The following FER1L6 variants were observed in gnomAD, a reference collection of about 807,000 sequenced individuals.
The protein encoded by FER1L6 is fer-1 like family member 6.
In FER1L6, 177 loss-of-function variants were observed where a neutral mutation model predicts 219.2. That is an observed-to-expected ratio of 0.81 (90% confidence interval 0.71 to 0.91). The LOEUF (loss-of-function observed/expected upper bound fraction) is 0.91. Ranked by LOEUF, FER1L6 falls within the 40% of genes least tolerant of loss-of-function variation. FER1L6 has a pLI of 0.00. For synonymous variants in FER1L6, 768 were observed against 824.3 expected (o/e 0.93, Z 1.17); for missense variants, 2,153 against 2,259.9 (o/e 0.95, Z 0.96).
At chr8:124,094,765 G>A (rs749187757) in intron 34 of FER1L6, 131 bp from the exon 35 acceptor site, 31 of 1,013,738 alleles carry the variant, frequency 3.1e-5, no homozygotes, top group Middle Eastern at 3.1e-4. Flanking sequence ...GGGATTACAG[G>A]TGTGAACCAC....
chr8:124,077,725 G>A (rs565213020), intron 32 of FER1L6, among the ~76,000 whole-genome samples: 1 of 152,312 alleles, frequency 6.6e-6, no homozygotes, highest in Admixed American at 6.5e-5. Flanking sequence ...AGAAGAGGAC[G>A]ATGAAGTCAG....
intron 3 of FER1L6, 102 bp from the exon 4 acceptor site, chr8:123,965,905 T>C: frequency 9.6e-7 from 1 of 1,038,620 alleles, no homozygotes; most frequent in South Asian, 1.5e-5. Context: ...GAATATGTAA[T>C]AATATTAAAT....
Position 124,097,862 on chromosome 8 carries a change from C to T in FER1L6, c.4862C>T (p.Ser1621Leu), listed in dbSNP as rs763858810. 4 of 1,585,542 alleles carry T rather than the reference C, an allele frequency of 2.5e-6. No individual in the cohort carries two copies. Among genetic ancestry groups the T allele is most frequent in the African/African-American group, 1.3e-5 (1 of 74,426 alleles). ...GAGAATATCTTCACAGGCCAAAAAT[C>T]AAGTGATATTTATGTGAAAGGGTAA... ...EDENIFTGQKSSDIYVKGWLK... is the reference protein window; with the variant it reads ...EDENIFTGQKLSDIYVKGWLK... The change falls in exon 37 of 41, where the codon TCA (serine) becomes TTA (leucine). Residue 1621 changes from serine to leucine, a missense_variant. By Grantham distance (145) the Ser-to-Leu change is moderately radical. Transcript: ENST00000522917.
chr8:124,086,317 G>A (rs1425544643), intron 33 of FER1L6, among the ~76,000 whole-genome samples: 6 of 150,946 alleles, frequency 4.0e-5, no homozygotes, highest in Non-Finnish European at 7.4e-5. Context: ...TTCTCTGGTG[G>A]TATGTTTTAA....
chr8:123,920,775 T>C (rs1266807531), intron 1 of FER1L6, among the ~76,000 whole-genome samples: 4 of 152,218 alleles, frequency 2.6e-5, no homozygotes, highest in African/African-American at 7.2e-5. Context: ...TGTTGTACAA[T>C]AGACCTCTGA....
At chr8:124,023,800 G>T (rs1477275390) in intron 18 of FER1L6, among the ~76,000 whole-genome samples, 1 of 151,922 alleles carries the variant, frequency 6.6e-6, no homozygotes, top group Non-Finnish European at 1.5e-5. Context: ...TTTTTTAACT[G>T]TTACATCACC....
chr8:124,079,159 C>A (rs1821421593), intron 32 of FER1L6, among the ~76,000 whole-genome samples: 1 of 152,172 alleles, frequency 6.6e-6, no homozygotes, highest in Non-Finnish European at 1.5e-5. Context: ...AAGTTTTCCT[C>A]TTTACAAAGA....
intron 14 of FER1L6, 39 bp downstream of exon 14, chr8:124,010,753 A>T: frequency 6.2e-7 from 1 of 1,606,260 alleles, no homozygotes; most frequent in Non-Finnish European, 8.5e-7. Context: ...GAGAATTGGG[A>T]AGCTGGTGGG....
intron 1 of FER1L6, among the ~76,000 whole-genome samples, chr8:123,930,951 A>G (rs1050157119): frequency 6.6e-6 from 1 of 152,138 alleles, no homozygotes; most frequent in African/African-American, 2.4e-5. Flanking sequence ...CCTCCACCCC[A>G]CTGGGGTTCT....
chr8:123,980,051 A>G (rs991161258), intron 10 of FER1L6, among the ~76,000 whole-genome samples: 2 of 152,104 alleles, frequency 1.3e-5, no homozygotes, highest in Non-Finnish European at 2.9e-5. Flanking sequence ...TTTTCTTGCA[A>G]CACAAAGTGT....
At position 123,901,806 on chromosome 8, in the gene FER1L6, C is replaced by T. The variant is rs151289467; in HGVS notation, c.-8+49621C>T. Among the ~76,000 whole-genome samples, 828 of 150,414 alleles carry T rather than the reference C, an allele frequency of 5.5e-3. 2 individuals are homozygous for T. Among genetic ancestry groups the T allele is most frequent in the Non-Finnish European group, 8.4e-3 (566 of 67,486 alleles). On this transcript the variant is annotated intron_variant, in intron 1 of 40. Coordinates refer to ENST00000522917, the MANE Select transcript of FER1L6 (RefSeq NM_001039112.2). ...TGATCTCGGCTCATTGCAAGCTCCA[C>T]CTCCCGGTTTCACACCATTCTCCTG... is the stretch of plus-strand genomic sequence containing the variant.
At chr8:124,090,049 T>TTGAC (rs1361362117) in intron 33 of FER1L6, among the ~76,000 whole-genome samples, 2 of 152,200 alleles carry the variant, frequency 1.3e-5, no homozygotes, top group Non-Finnish European at 2.9e-5. Flanking sequence ...TCTCTGATAA[T>TTGAC]TGACTTAACA....
chr8:123,908,744 A>G (rs1813001784), intron 1 of FER1L6, among the ~76,000 whole-genome samples: 1 of 152,214 alleles, frequency 6.6e-6, no homozygotes, highest in African/African-American at 2.4e-5. Flanking sequence ...TAGAGGCAAC[A>G]ATGAACAAGT....
chr8:123,858,347 A>G (rs183340437), intron 1 of FER1L6, among the ~76,000 whole-genome samples: 1 of 152,316 alleles, frequency 6.6e-6, no homozygotes, highest in Non-Finnish European at 1.5e-5. Context: ...TTTTAGACAC[A>G]GCAGAAGTCA....
intron 1 of FER1L6, among the ~76,000 whole-genome samples, chr8:123,857,890 G>A (rs1267551555): frequency 6.6e-6 from 1 of 152,178 alleles, no homozygotes; most frequent in African/African-American, 2.4e-5. Context: ...CAAGCTCCTG[G>A]GGACTGATAA....
At chr8:124,073,488 C>A (rs7817061) in intron 31 of FER1L6, among the ~76,000 whole-genome samples, 1 of 152,080 alleles carries the variant, frequency 6.6e-6, no homozygotes, top group Non-Finnish European at 1.5e-5. Flanking sequence ...AATTCTCAAA[C>A]CTTTTAATTA....
In FER1L6 at chr8:124,091,673, T is replaced by C. The variant is rs1822035855; in HGVS notation, c.4552+90T>C. 14 of 1,402,114 alleles carry C rather than the reference T, an allele frequency of 1.0e-5. No homozygotes were observed. In the East Asian group the frequency reaches 3.0e-4, roughly 30 times the overall value. The allele number at this position is 1,402,114 out of a possible 1,614,324, so 86.9% of individuals were successfully genotyped here. On this transcript the variant is annotated intron_variant, in intron 34 of 40. Transcript: ENST00000522917. ...TTTTTGGCTATGGGACATCTAATTA[T>C]AAAAGTAATGTGGCCAGGCACAGTG...
At chr8:123,869,900 A>C (rs1275439911) in intron 1 of FER1L6, among the ~76,000 whole-genome samples, 2 of 152,246 alleles carry the variant, frequency 1.3e-5, no homozygotes, top group African/African-American at 2.4e-5. Context: ...ATACACAGAA[A>C]GAGTCAATTG....
At chr8:124,076,380 T>C (rs1821292930) in intron 32 of FER1L6, 55 bp downstream of exon 32, 1 of 1,568,452 alleles carries the variant, frequency 6.4e-7, no homozygotes, top group Non-Finnish European at 8.8e-7. Context: ...GCTCCTGCTG[T>C]GTTTCTGTGG....
Sources: gnomAD v4.1 joint callset for allele counts (sites outside exome capture counted in the v4.1 genomes callset) on GRCh38, gnomAD v4.1.1 for gene constraint, MANE v1.5 for transcripts, NCBI Gene and HGNC (gene_info 2026-07-23, HGNC 2026-07-21) for gene names.